Variants in DNAAF11 observed in about 807,000 individuals in gnomAD.
DNAAF11 encodes dynein axonemal assembly factor 11.
Under a neutral mutation model 60.8 loss-of-function variants are expected in DNAAF11, and 45 were observed. That is an observed-to-expected ratio of 0.74 (90% CI 0.58 to 0.95). The LOEUF is 0.95. Ranked by LOEUF, DNAAF11 falls within the 40% of genes least tolerant of loss-of-function variation. DNAAF11 has a pLI of 0.00. For missense variants in DNAAF11, 546 were observed against 546.2 expected, an observed-to-expected ratio of 1.00 and a Z score of 0.00; for synonymous variants, 191 against 183.5, an observed-to-expected ratio of 1.04 and a Z score of -0.33.
At chr8:132,673,093 TTG>T (rs1825344214) in intron 1 of DNAAF11, among the ~76,000 whole-genome samples, 1 of 152,116 alleles carries the variant, frequency 6.6e-6, no homozygotes, top group South Asian at 2.1e-4. Flanking sequence ...TAAAAAGGGT[TTG>T]TGGCACAGCA....
At chr8:132,614,193 GAT>G (rs1818928505) in intron 8 of DNAAF11, among the ~76,000 whole-genome samples, 6 of 152,172 alleles carry the variant, frequency 3.9e-5, no homozygotes, top group African/African-American at 1.4e-4. Flanking sequence ...CTTTATGTCA[GAT>G]GGTGGGGCAG....
intron 1 of DNAAF11, among the ~76,000 whole-genome samples, chr8:132,664,968 A>C (rs1824488552): frequency 6.6e-6 from 1 of 152,200 alleles, no homozygotes; most frequent in Non-Finnish European, 1.5e-5. Flanking sequence ...GAATAACTAA[A>C]TTACACACAC....
At position 132,579,766 on chromosome 8, in the gene DNAAF11, G is replaced by A. The variant is rs141768422; in HGVS notation, c.1226+3928C>T. ...TCCCAACAATTTGGGAGGCTGCAGCGGGCGGATCACTTGAGGCCAGGAGTT... is the reference window on the plus strand; with the variant it reads ...TCCCAACAATTTGGGAGGCTGCAGCAGGCGGATCACTTGAGGCCAGGAGTT... On this transcript the variant is annotated intron_variant, in intron 11 of 11. Coordinates refer to ENST00000620350, the MANE Select transcript of DNAAF11 (RefSeq NM_012472.6). Among the ~76,000 whole-genome samples the A allele has an allele frequency of 7.7e-4, 117 of 152,230 alleles. 2 individuals carry two copies. The East Asian group carries it at 0.015, about 19-fold the overall frequency.
intron 10 of DNAAF11, among the ~76,000 whole-genome samples, chr8:132,607,697 A>G (rs1818264492): frequency 6.6e-6 from 1 of 152,192 alleles, no homozygotes; most frequent in African/African-American, 2.4e-5. Flanking sequence ...ACATCAAGCA[A>G]TATTTCTATT....
At chr8:132,664,499 C>T (rs1824434319) in intron 1 of DNAAF11, among the ~76,000 whole-genome samples, 2 of 152,206 alleles carry the variant, frequency 1.3e-5, no homozygotes, top group African/African-American at 4.8e-5. Flanking sequence ...GAGACACGGT[C>T]TCACTCTGTC....
At chr8:132,646,284 G>A (rs990928605) in intron 3 of DNAAF11, among the ~76,000 whole-genome samples, 1 of 152,140 alleles carries the variant, frequency 6.6e-6, no homozygotes, top group Admixed American at 6.5e-5. Context: ...ACAAGCAAAT[G>A]CTGAGAGATT....
At chr8:132,574,002 C>T (rs1814482581) in intron 11 of DNAAF11, among the ~76,000 whole-genome samples, 1 of 152,112 alleles carries the variant, frequency 6.6e-6, no homozygotes, top group Non-Finnish European at 1.5e-5. Flanking sequence ...TCCGAAGATG[C>T]CCTGAAAGAT....
At chr8:132,622,556 C>A in intron 7 of DNAAF11, 55 bp downstream of exon 7, 2 of 1,290,342 alleles carry the variant, frequency 1.5e-6, no homozygotes, top group Non-Finnish European at 2.2e-6. Context: ...AATGATTGAC[C>A]AACACCATTG....
chr8:132,674,866 C>A (rs1303016937), intron 1 of DNAAF11, among the ~76,000 whole-genome samples: 2 of 152,194 alleles, frequency 1.3e-5, no homozygotes, highest in African/African-American at 4.8e-5. Flanking sequence ...CCAGCCTGGG[C>A]GACAGAGCAA....
chr8:132,667,208 T>C (rs529877843), intron 1 of DNAAF11, among the ~76,000 whole-genome samples: 2 of 152,322 alleles, frequency 1.3e-5, no homozygotes, highest in Non-Finnish European at 2.9e-5. Flanking sequence ...TGTCAAATCT[T>C]TGCCCCACCA....
At chr8:132,681,280 G>A in the DNAAF11 span, among the ~76,000 whole-genome samples, 1 of 149,666 alleles carries the variant, frequency 6.7e-6, no homozygotes, top group Non-Finnish European at 1.5e-5. Context: ...GAAGTGCTGG[G>A]ATTACAGGCG....
chr8:132,581,661 C>CAAAAAAAAAAAAAA (rs59380140), intron 11 of DNAAF11, among the ~76,000 whole-genome samples: 2 of 83,004 alleles, frequency 2.4e-5, no homozygotes, highest in African/African-American at 4.7e-5. Context: ...GACTCTGCCT[C>CAAAAAAAAAAAAAA]AAAAAAAAAA....
intron 3 of DNAAF11, among the ~76,000 whole-genome samples, chr8:132,638,523 G>A (rs1253691914): frequency 2.0e-5 from 3 of 152,126 alleles, no homozygotes; most frequent in African/African-American, 7.2e-5. Context: ...TTAGCAGGTA[G>A]GTGGGACATA....
intron 8 of DNAAF11, among the ~76,000 whole-genome samples, chr8:132,612,508 G>A (rs1391015763): frequency 6.6e-6 from 1 of 152,004 alleles, no homozygotes; most frequent in Non-Finnish European, 1.5e-5. Context: ...CATTGCTCAC[G>A]TCTCCCCCTT....
chr8:132,685,549 C>T, the DNAAF11 span, among the ~76,000 whole-genome samples: 2 of 152,122 alleles, frequency 1.3e-5, no homozygotes, highest in East Asian at 3.9e-4. Context: ...ATCAGTCAAC[C>T]CTTCTCACGT....
intron 10 of DNAAF11, among the ~76,000 whole-genome samples, chr8:132,609,597 CTG>C (rs978206990): frequency 6.6e-6 from 1 of 152,104 alleles, no homozygotes; most frequent in Non-Finnish European, 1.5e-5. Context: ...GAGAGATTCT[CTG>C]TGTTTCTTTC....
chr8:132,643,090 C>G (rs960898643), intron 3 of DNAAF11, among the ~76,000 whole-genome samples: 5 of 152,198 alleles, frequency 3.3e-5, no homozygotes, highest in African/African-American at 4.8e-5. Context: ...AAAGCAGCAG[C>G]TGTTTGGACA....
At chr8:132,695,930 G>A in the DNAAF11 span, among the ~76,000 whole-genome samples, 1 of 152,196 alleles carries the variant, frequency 6.6e-6, no homozygotes, top group Admixed American at 6.5e-5. Flanking sequence ...TATGATTGAG[G>A]ATAAGTGAAA....
At chr8:132,622,449 C>T (rs1819856110) in intron 7 of DNAAF11, among the ~76,000 whole-genome samples, 162 bp downstream of exon 7, 1 of 152,072 alleles carries the variant, frequency 6.6e-6, no homozygotes, top group South Asian at 2.1e-4. Flanking sequence ...AGATGTTTTG[C>T]CTTTAAATAT....
Sources: gnomAD v4.1 joint callset for allele counts (sites outside exome capture counted in the v4.1 genomes callset) on GRCh38, gnomAD v4.1.1 for gene constraint, MANE v1.5 for transcripts, NCBI Gene and HGNC (gene_info 2026-07-23, HGNC 2026-07-21) for gene names.